Variants in DOCK10 observed in about 807,000 individuals in gnomAD.
DOCK10 encodes the protein dedicator of cytokinesis 10.
Under a neutral mutation model 280.1 loss-of-function variants are expected in DOCK10, and 145 were observed. The observed-to-expected ratio is 0.52, with a 90% CI of 0.45 to 0.59. The LOEUF (loss-of-function observed/expected upper bound fraction) is 0.59, where lower values mean the gene tolerates loss of function less well. DOCK10 is among the 20% of genes least tolerant of loss of function. The pLI is 0.00. For missense variants in DOCK10, 2,368 were observed against 2,651.7 expected (o/e 0.89, Z 2.35); for synonymous variants, 915 against 942.2 (o/e 0.97, Z 0.53).
At chr2:224,920,748 G>A (rs1349010661) in intron 2 of DOCK10, among the ~76,000 whole-genome samples, 1 of 151,764 alleles carries the variant, frequency 6.6e-6, no homozygotes, top group South Asian at 2.1e-4. Context: ...TTTTCCACTA[G>A]AGTCTCCATT....
intron 3 of DOCK10, among the ~76,000 whole-genome samples, chr2:224,898,650 C>T (rs1488214238): frequency 6.6e-6 from 1 of 152,202 alleles, no homozygotes; most frequent in Non-Finnish European, 1.5e-5. Context: ...GATCTCAGCT[C>T]ACTGCAAGCT....
intron 1 of DOCK10, among the ~76,000 whole-genome samples, chr2:224,995,398 T>G (rs1463963835): frequency 3.9e-5 from 6 of 152,176 alleles, no homozygotes; most frequent in African/African-American, 1.4e-4. Context: ...AGAAGCATCT[T>G]TAGTAAATCA....
chr2:224,845,630 G>C lies in DOCK10; in HGVS notation c.2248C>G (p.Leu750Val). ...PDFSDEVKIELPTQLHEKHHI... is the reference protein window; with the variant it reads ...PDFSDEVKIEVPTQLHEKHHI... ...TGTTTCTCATGGAGTTGTGTTGGTA[G>C]CTCAATTTTCACCTGCAACGAAAGA... Residue 750 changes from leucine to valine, a missense_variant, in exon 20 of 56, where the codon CTA becomes GTA. Coordinates refer to ENST00000258390, the MANE Select transcript of DOCK10 (RefSeq NM_014689.3). The C allele has an allele frequency of 6.2e-7, 1 of 1,609,670 alleles. No homozygotes were observed. Among genetic ancestry groups the C allele is most frequent in the Non-Finnish European group, 8.5e-7 (1 of 1,178,500 alleles).
At chr2:224,919,317 TGTGA>T (rs1246569490) in intron 2 of DOCK10, among the ~76,000 whole-genome samples, 2 of 100,870 alleles carry the variant, frequency 2.0e-5, no homozygotes, top group Admixed American at 2.0e-4. Flanking sequence ...GATGTGTCAG[TGTGA>T]GTGTGTGGTG....
At chr2:224,909,960 A>T (rs1452551198) in intron 3 of DOCK10, among the ~76,000 whole-genome samples, 1 of 152,028 alleles carries the variant, frequency 6.6e-6, no homozygotes, top group African/African-American at 2.4e-5. Flanking sequence ...ATTGAAGATT[A>T]AAAAAAAGAA....
chr2:224,839,089 T>C (rs1056766231), intron 24 of DOCK10, among the ~76,000 whole-genome samples: 5 of 151,576 alleles, frequency 3.3e-5, no homozygotes. Context: ...TAGCACTTCT[T>C]TTTTTTTGAG....
At chr2:225,010,549 C>G (rs1258659118) in intron 1 of DOCK10, 1 of 154,212 alleles carries the variant, frequency 6.5e-6, no homozygotes, top group Non-Finnish European at 1.5e-5. Context: ...GGTACCCTAG[C>G]TGACATCAGT....
At chr2:225,028,419 A>G (rs1442449839) in intron 1 of DOCK10, among the ~76,000 whole-genome samples, 1 of 152,162 alleles carries the variant, frequency 6.6e-6, no homozygotes, top group Non-Finnish European at 1.5e-5. Context: ...CAACAGCCCA[A>G]GTAAGCATGA....
At chr2:224,942,704 G>T (rs1703163603) in intron 1 of DOCK10, among the ~76,000 whole-genome samples, 1 of 151,334 alleles carries the variant, frequency 6.6e-6, no homozygotes, top group Admixed American at 6.5e-5. Context: ...GTATATTAGA[G>T]ATATGTTAAA....
intron 3 of DOCK10, among the ~76,000 whole-genome samples, chr2:224,898,883 A>C (rs1700140400): frequency 6.6e-6 from 1 of 152,206 alleles, no homozygotes; most frequent in Admixed American, 6.5e-5. Context: ...CTGATAATTG[A>C]GCCTTAATAT....
At chr2:224,833,740 G>A (rs1441427635) in intron 26 of DOCK10, among the ~76,000 whole-genome samples, 3 of 151,852 alleles carry the variant, frequency 2.0e-5, no homozygotes, top group African/African-American at 7.3e-5. Context: ...TCTGCCTCCC[G>A]GGTTCAAGCG....
chr2:225,024,727 C>A (rs1162026742), intron 1 of DOCK10, among the ~76,000 whole-genome samples: 25 of 145,360 alleles, frequency 1.7e-4, no homozygotes, highest in African/African-American at 1.8e-4. Context: ...ACTAAAAATA[C>A]AAAAAAAAAA....
At chr2:224,894,848 T>C (rs1575012682) in intron 4 of DOCK10, among the ~76,000 whole-genome samples, 1 of 152,214 alleles carries the variant, frequency 6.6e-6, no homozygotes, top group Admixed American at 6.5e-5. Context: ...CCATTCTCCA[T>C]AGAGTAGCCC....
chr2:224,845,208 C>T lies in DOCK10; in HGVS notation c.2476G>A (p.Gly826Arg), dbSNP rs1696258102. The T allele has an allele frequency of 1.3e-6, 2 of 1,573,054 alleles. No homozygotes were observed. The highest frequency in any genetic ancestry group is 1.3e-5 in the African/African-American group (1 of 74,170). The change falls in exon 21 of 56, where the codon GGA becomes AGA. Residue 826 changes from glycine to arginine, a missense_variant. Transcript: ENST00000258390. ...NYLSFQDSAS[G>R]KHGGSDIKWV... ...AATTACACATTATTCAATACCTTTC[C>T]ACTTGCAGAATCTTGAAAGCTTAAA... is the stretch of plus-strand genomic sequence containing the variant.
At chr2:224,872,017 G>A (rs566799677) in intron 11 of DOCK10, among the ~76,000 whole-genome samples, 2 of 152,120 alleles carry the variant, frequency 1.3e-5, no homozygotes, top group South Asian at 4.2e-4. Context: ...GTAGACACTT[G>A]GAATAAGTAT....
At position 224,840,066 on chromosome 2, in the gene DOCK10, A is replaced by G. The variant is rs977212695; in HGVS notation, c.2668T>C (p.Leu890=). The change falls in exon 24 of 56, where the codon TTG becomes CTG. Residue 890 remains leucine, a synonymous_variant. Transcript: ENST00000258390. The part of the protein sequence containing the change: ...SNFIRSCKNL[L]NVEKIHAIMS... ...ATTGCATGAATCTTTTCCACATTCA[A>G]TAAGTTCTGTAGTAAATTGGCAGAA... is the stretch of plus-strand genomic sequence containing the variant. 11 of 1,510,274 alleles carry G rather than the reference A, an allele frequency of 7.3e-6. No individual in the cohort carries two copies. Among genetic ancestry groups the G allele is most frequent in the South Asian group, 2.4e-5 (2 of 82,002 alleles). 93.6% of individuals were successfully genotyped at this position (1,510,274 alleles called of 1,614,324 possible).
chr2:224,859,984 C>G (rs1185652663), intron 14 of DOCK10, among the ~76,000 whole-genome samples: 2 of 152,166 alleles, frequency 1.3e-5, no homozygotes, highest in Non-Finnish European at 2.9e-5. Flanking sequence ...AATTGTGCTG[C>G]TAACTATTTT....
chr2:224,874,406 C>A (rs1055880547), intron 9 of DOCK10, 57 bp from the exon 10 acceptor site: 2 of 1,346,902 alleles, frequency 1.5e-6, no homozygotes, highest in African/African-American at 1.4e-5. Context: ...CAGCCCCTGA[C>A]ACATCCACAT....
At chr2:224,798,103 A>T (rs943011310) in intron 41 of DOCK10, 134 bp from the exon 42 acceptor site, 1 of 831,370 alleles carries the variant, frequency 1.2e-6, no homozygotes, top group Non-Finnish European at 1.9e-6. Flanking sequence ...GAACAAGGAG[A>T]CACAGTTCAT....
Sources: gnomAD v4.1 joint callset for allele counts (sites outside exome capture counted in the v4.1 genomes callset) on GRCh38, gnomAD v4.1.1 for gene constraint, MANE v1.5 for transcripts, NCBI Gene and HGNC (gene_info 2026-07-23, HGNC 2026-07-21) for gene names.